The following WDR83 variants were observed in gnomAD, a reference collection of about 807,000 sequenced individuals.
The protein encoded by WDR83 is WD repeat domain 83, also known as WD repeat domain-containing protein 83.
A neutral mutation model predicts 37.7 loss-of-function variants in WDR83; 37 were observed. The observed-to-expected ratio is 0.98, with a 90% CI of 0.76 to 1.29. WDR83 has a LOEUF of 1.29. Among genes scored for constraint, WDR83 ranks in the 50% most tolerant of loss-of-function variants. The probability of loss-of-function intolerance (pLI) is 0.00; values close to 1 mark genes in which losing one functional copy is unlikely to be tolerated. For synonymous variants in WDR83, 174 were observed against 181.1 expected (o/e 0.96, Z 0.31); for missense variants, 445 against 414.4 (o/e 1.07, Z -0.64).
intron 1 of WDR83, chr19:12,668,221 C>G (rs1356196629): frequency 1.2e-6 from 1 of 846,576 alleles, no homozygotes; most frequent in African/African-American, 1.7e-5. Flanking sequence ...GGGCCAGGTT[C>G]CCTCTATCCA....
At chr19:12,671,279 G>A (rs2024407442) in intron 7 of WDR83, 1 of 161,388 alleles carries the variant, frequency 6.2e-6, no homozygotes, top group African/African-American at 2.4e-5. Flanking sequence ...AGTGAGCCGA[G>A]ATTGTGCCAC....
chr19:12,675,547 G>T lies in WDR83; in HGVS notation c.823G>T (p.Val275Leu). The change falls in exon 11 of 11, where the codon GTG becomes TTG. Residue 275 changes from valine (V) to leucine (L), a missense_variant. Coordinates refer to ENST00000418543, the MANE Select transcript of WDR83 (RefSeq NM_001099737.3). ...GGGTGCGCTGGCTCTGGCCCTGCCTGTGGGTTCCGGTGTGGTGCAGTCGCT... is the reference window on the plus strand; with the variant it reads ...GGGTGCGCTGGCTCTGGCCCTGCCTTTGGGTTCCGGTGTGGTGCAGTCGCT... ...VEGALALALP[V>L]GSGVVQSLAY... The T allele has an allele frequency of 6.2e-7, 1 of 1,606,034 alleles. No individual in the cohort carries two copies.
chr19:12,669,077 G>A (rs764626242), intron 2 of WDR83: 5 of 1,583,196 alleles, frequency 3.2e-6, no homozygotes, highest in Middle Eastern at 1.7e-4. Context: ...ACCCGCCCCC[G>A]GGCCTCGTTC....
Position 12,675,529 on chromosome 19 carries a change from C to T in WDR83, c.805C>T (p.Leu269=). The T allele has an allele frequency of 6.2e-7, 1 of 1,604,656 alleles. No individual in the cohort carries two copies. Among genetic ancestry groups the T allele is most frequent in the South Asian group, 1.1e-5 (1 of 91,022 alleles). The change falls in exon 11 of 11, where the codon CTG becomes TTG. Residue 269 remains leucine, a synonymous_variant. Coordinates refer to ENST00000418543, the MANE Select transcript of WDR83 (RefSeq NM_001099737.3). ...CCTACCCCTCGCTCCACAGGGTGCG[C>T]TGGCTCTGGCCCTGCCTGTGGGTTC... ...VFFWDLVEGA[L]ALALPVGSGV... is the part of the protein sequence containing the mutation.
chr19:12,673,417 T>A, intron 10 of WDR83, 101 bp downstream of exon 10: 1 of 740,990 alleles, frequency 1.3e-6, no homozygotes, highest in Non-Finnish European at 2.1e-6. Context: ...GATCTTTTTT[T>A]TTTTTTTTTT....
In WDR83 at chr19:12,671,019, A is replaced by C. The variant is rs376958984; in HGVS notation, c.506+198A>C. 278 of 753,144 alleles carry C rather than the reference A, an allele frequency of 3.7e-4. 1 individual carries two copies. In the African/African-American group the frequency reaches 4.6e-3, roughly 12 times the overall value. 46.7% of individuals were successfully genotyped at this position (753,144 alleles called of 1,614,324 possible). A position where few individuals can be genotyped will look rare whatever the true frequency, so the allele number is the denominator to read the frequency against. On this transcript the variant is annotated intron_variant, in intron 7 of 10. Coordinates refer to ENST00000418543, the MANE Select transcript of WDR83 (RefSeq NM_001099737.3). ...TTGCACTCCATGCTGGGTGAAAGAC[A>C]GACTGTCTACAAAATAATAATAATC...
At chr19:12,669,470 G>C in intron 2 of WDR83, 1 of 1,548,456 alleles carries the variant, frequency 6.5e-7, no homozygotes, top group South Asian at 1.2e-5. Context: ...TGCAAGCTGA[G>C]GGCGGATTTT....
chr19:12,667,796 T>C lies in WDR83; in HGVS notation c.-156-712T>C, dbSNP rs563582785. Reference sequence around the variant, plus strand: ...ATAGATTGTGCCACTGCACTCAGCCTGCATGACAGATCAAGACCATTTTCT... The same window carrying C: ...ATAGATTGTGCCACTGCACTCAGCCCGCATGACAGATCAAGACCATTTTCT... On this transcript the variant is annotated intron_variant, in intron 1 of 10. Transcript: ENST00000418543. Among the ~76,000 whole-genome samples the C allele has an allele frequency of 9.2e-5, 14 of 151,894 alleles. No individual in the cohort carries two copies. The East Asian group carries it at 2.5e-3, about 27-fold the overall frequency.
chr19:12,669,880 C>G lies in WDR83; in HGVS notation c.90C>G (p.Ala30=). 2 of 1,610,580 alleles carry G rather than the reference C, an allele frequency of 1.2e-6. No individual in the cohort carries two copies. Among genetic ancestry groups the G allele is most frequent in the Non-Finnish European group, 1.7e-6 (2 of 1,177,902 alleles). The part of the protein sequence containing the change: ...TLDCGQGAVR[A]VRFNVDGNYC... ...ACTGCGGGCAGGGGGCAGTGCGAGC[C>G]GTACGATTTAATGGTGAGCGCCTTC... Residue 30 remains alanine (A), a synonymous_variant, in exon 3 of 11, where the codon GCC becomes GCG. Transcript: ENST00000418543.
Position 12,673,324 on chromosome 19 carries a change from G to GC in WDR83, c.798+13dup, listed in dbSNP as rs754363981. 1 of 1,607,310 alleles carries GC rather than the reference G, an allele frequency of 6.2e-7. No individual in the cohort carries two copies. Among genetic ancestry groups the GC allele is most frequent in the Non-Finnish European group, 8.5e-7 (1 of 1,174,876 alleles). ...TTCTGGGACCTGGTGGAGGTGAGGT[G>GC]CCCCCAGCCCTACTTCATACCTAGA... On this transcript the variant is annotated intron_variant, in intron 10 of 10. Coordinates refer to ENST00000418543, the MANE Select transcript of WDR83 (RefSeq NM_001099737.3).
Position 12,675,761 on chromosome 19 carries a change from C to T in WDR83, c.*89C>T. The T allele has an allele frequency of 1.9e-6, 3 of 1,563,454 alleles. No individual in the cohort carries two copies. Among genetic ancestry groups the T allele is most frequent in the Non-Finnish European group, 2.6e-6 (3 of 1,153,954 alleles). ...ATCTTATTCTAGAGACGTAGCTGAC[C>T]AAAAAGTAGGGGAGGGGCTGGGTCT... On this transcript the variant is annotated 3_prime_UTR_variant, in exon 11 of 11. Transcript: ENST00000418543.
At chr19:12,667,063 A>AG in intron 1 of WDR83, 71 bp downstream of exon 1, 1 of 325,542 alleles carries the variant, frequency 3.1e-6, no homozygotes, top group Non-Finnish European at 5.8e-6. Context: ...ATGGGAATCC[A>AG]GGGTGTCCGT....
At chr19:12,671,866 T>C (rs2145316846) in intron 7 of WDR83, among the ~76,000 whole-genome samples, 1 of 152,100 alleles carries the variant, frequency 6.6e-6, no homozygotes, top group Admixed American at 6.5e-5. Context: ...CCCAGCTAAT[T>C]TTTGTATTTT....
At chr19:12,669,314 C>T (rs985166921) in intron 2 of WDR83, 1 of 1,606,128 alleles carries the variant, frequency 6.2e-7, no homozygotes, top group Admixed American at 1.7e-5. Flanking sequence ...CGATCCACAC[C>T]CACAACCCGA....
In WDR83 at chr19:12,668,510, C is replaced by G. The variant is rs1452224033; in HGVS notation, c.-154C>G. The G allele has an allele frequency of 1.9e-6, 3 of 1,613,876 alleles. No individual in the cohort carries two copies. Among genetic ancestry groups the G allele is most frequent in the Non-Finnish European group, 2.5e-6 (3 of 1,179,944 alleles). On this transcript the variant is annotated splice_region_variant and 5_prime_UTR_variant, in exon 2 of 11. Coordinates refer to ENST00000418543, the MANE Select transcript of WDR83 (RefSeq NM_001099737.3). ...CTCAAGAGTCACTTGTTCTGTAGGGCAAGTCTCACATGAAGCTACTCATCA... is the reference window on the plus strand; with the variant it reads ...CTCAAGAGTCACTTGTTCTGTAGGGGAAGTCTCACATGAAGCTACTCATCA...
chr19:12,669,394 T>C (rs770350219), intron 2 of WDR83: 2 of 1,598,368 alleles, frequency 1.3e-6, no homozygotes, highest in Non-Finnish European at 1.7e-6. Context: ...GACATATTGT[T>C]AGTGGACATA....
chr19:12,668,324 G>T, intron 1 of WDR83, 184 bp from the exon 2 acceptor site: 1 of 1,590,558 alleles, frequency 6.3e-7, no homozygotes, highest in South Asian at 1.1e-5. Context: ...CTAGTGGATA[G>T]ACAGGGTCCA....
Position 12,670,569 on chromosome 19 carries a change from A to G in WDR83, c.337A>G (p.Asn113Asp). ...GTGGCAATAACTTTCTCAGAAGGTG[A>G]ACACGGTGCAGTTTAATGAAGAGGC... is the stretch of plus-strand genomic sequence containing the variant. The part of the protein sequence containing the change: ...RKFRGHAGKV[N>D]TVQFNEEATV... The change falls in exon 6 of 11, where the codon AAC becomes GAC. Residue 113 changes from asparagine to aspartate, a missense_variant. Transcript: ENST00000418543. The G allele has an allele frequency of 1.2e-6, 2 of 1,614,234 alleles. No individual in the cohort carries two copies. Among genetic ancestry groups the G allele is most frequent in the Non-Finnish European group, 1.7e-6 (2 of 1,180,046 alleles).
At chr19:12,675,173 T>C (rs530216435) in intron 10 of WDR83, among the ~76,000 whole-genome samples, 14 of 151,876 alleles carry the variant, frequency 9.2e-5, no homozygotes, top group Non-Finnish European at 1.8e-4. Flanking sequence ...ACACCTGTAG[T>C]CCTAGCACTT....
Sources: gnomAD v4.1 joint callset for allele counts (sites outside exome capture counted in the v4.1 genomes callset) on GRCh38, gnomAD v4.1.1 for gene constraint, MANE v1.5 for transcripts, NCBI Gene and HGNC (gene_info 2026-07-23, HGNC 2026-07-21) for gene names.